The following LMBRD1 variants were observed in gnomAD, a reference collection of about 807,000 sequenced individuals.
LMBRD1 encodes the protein lysosomal cobalamin transport escort protein LMBD1.
A neutral mutation model predicts 74.8 loss-of-function variants in LMBRD1; 64 were observed. The ratio of observed to expected loss-of-function variants is 0.86; its 90% CI spans 0.70 to 1.05. LMBRD1 has a LOEUF of 1.05. LMBRD1 is among the 50% of genes least tolerant of loss of function. The probability of loss-of-function intolerance (pLI) is 0.00; values close to 1 mark genes in which losing one functional copy is unlikely to be tolerated. For synonymous variants in LMBRD1, 204 were observed against 216.3 expected (o/e 0.94, Z 0.50); for missense variants, 652 against 645.9 (o/e 1.01, Z -0.10).
At chr6:69,717,181 C>G (rs1766510211) in intron 8 of LMBRD1, among the ~76,000 whole-genome samples, 1 of 152,058 alleles carries the variant, frequency 6.6e-6, no homozygotes, top group African/African-American at 2.4e-5. Context: ...ATGTTTACAT[C>G]TAGGCACTGT....
At chr6:69,729,399 T>C (rs1042524856) in intron 7 of LMBRD1, among the ~76,000 whole-genome samples, 3 of 151,910 alleles carry the variant, frequency 2.0e-5, no homozygotes, top group African/African-American at 7.3e-5. Context: ...CTGCCAAACT[T>C]GGCTGAACAG....
chr6:69,713,171 T>C (rs1353440445), intron 9 of LMBRD1, among the ~76,000 whole-genome samples: 1 of 152,196 alleles, frequency 6.6e-6, no homozygotes, highest in South Asian at 2.1e-4. Context: ...CATGAATACA[T>C]ACTAAGGAAA....
chr6:69,679,371 C>T (rs1471245549), intron 14 of LMBRD1, among the ~76,000 whole-genome samples: 1 of 152,072 alleles, frequency 6.6e-6, no homozygotes, highest in African/African-American at 2.4e-5. Context: ...TTGTCATTTA[C>T]TTCGTGCTCC....
At position 69,705,712 on chromosome 6, in the gene LMBRD1, C is replaced by T. The variant is rs1582068711; in HGVS notation, c.916-3759G>A. 11 of 1,101,138 alleles carry T rather than the reference C, an allele frequency of 1.0e-5. No individual in the cohort carries two copies. In the South Asian group the frequency reaches 1.4e-4, roughly 14 times the overall value. The allele number at this position is 1,101,138 out of a possible 1,614,324, so 68.2% of individuals were successfully genotyped here. A position where few individuals can be genotyped will look rare whatever the true frequency, so the allele number is the denominator to read the frequency against. On this transcript the variant is annotated intron_variant, in intron 9 of 15. Coordinates refer to ENST00000649934, the MANE Select transcript of LMBRD1 (RefSeq NM_018368.4). ...GCAAGTTTTACTTTTTTCTGTGGAA[C>T]CTTGCTACCACCTCCAGGGACAGAC... is the stretch of plus-strand genomic sequence containing the variant.
intron 2 of LMBRD1, among the ~76,000 whole-genome samples, chr6:69,789,716 A>G (rs1370308701): frequency 1.3e-5 from 2 of 152,214 alleles, no homozygotes; most frequent in African/African-American, 2.4e-5. Context: ...TTCCTGAGTC[A>G]CAGAAGCTTA....
chr6:69,747,628 T>C (rs1050474693), intron 5 of LMBRD1, among the ~76,000 whole-genome samples: 11 of 152,314 alleles, frequency 7.2e-5, no homozygotes, highest in Middle Eastern at 3.4e-3. Context: ...CTGGTATGTA[T>C]CTCCTATCAG....
intron 7 of LMBRD1, among the ~76,000 whole-genome samples, chr6:69,726,067 G>T (rs570678987): frequency 6.6e-6 from 1 of 152,212 alleles, no homozygotes; most frequent in East Asian, 1.9e-4. Flanking sequence ...ATTAAAAAGT[G>T]GGCCAAAGAT....
At chr6:69,772,682 T>A (rs1029016368) in intron 3 of LMBRD1, among the ~76,000 whole-genome samples, 4 of 152,174 alleles carry the variant, frequency 2.6e-5, no homozygotes, top group African/African-American at 9.7e-5. Context: ...CAGAACTGTA[T>A]CTTATCAAAC....
At chr6:69,751,787 T>G (rs1222842523) in intron 4 of LMBRD1, among the ~76,000 whole-genome samples, 1 of 152,232 alleles carries the variant, frequency 6.6e-6, no homozygotes, top group African/African-American at 2.4e-5. Context: ...CTGGATACTT[T>G]TAACACTATA....
chr6:69,792,905 T>G (rs534535176), intron 1 of LMBRD1, among the ~76,000 whole-genome samples: 2 of 152,310 alleles, frequency 1.3e-5, no homozygotes, highest in South Asian at 4.1e-4. Context: ...AGCCAGAGAT[T>G]CCCAAACTTT....
intron 9 of LMBRD1, among the ~76,000 whole-genome samples, chr6:69,706,345 T>C (rs1766259268): frequency 6.6e-6 from 1 of 152,216 alleles, no homozygotes; most frequent in South Asian, 2.1e-4. Context: ...ATTTCCCCTT[T>C]CTTTTCACTC....
At chr6:69,713,431 T>G (rs1766424750) in intron 9 of LMBRD1, among the ~76,000 whole-genome samples, 1 of 152,144 alleles carries the variant, frequency 6.6e-6, no homozygotes, top group African/African-American at 2.4e-5. Flanking sequence ...ATTTTTATTT[T>G]AATTTCCCAA....
chr6:69,677,668 G>T (rs1345615116), intron 14 of LMBRD1, among the ~76,000 whole-genome samples: 1 of 152,040 alleles, frequency 6.6e-6, no homozygotes, highest in African/African-American at 2.4e-5. Flanking sequence ...TCTCACGGCA[G>T]CTCAAGCTTG....
At chr6:69,776,652 C>A (rs1170075584) in intron 3 of LMBRD1, among the ~76,000 whole-genome samples, 1 of 152,312 alleles carries the variant, frequency 6.6e-6, no homozygotes, top group East Asian at 1.9e-4. Context: ...CAATGCTTAG[C>A]CGCCTTATCC....
rs531696673 is a variant in LMBRD1 at position 69,785,437 on chromosome 6, T to C, written c.246+4859A>G. Among the ~76,000 whole-genome samples the C allele has an allele frequency of 8.5e-5, 13 of 152,324 alleles. No homozygotes were observed. In the East Asian group the frequency reaches 1.7e-3, roughly 20 times the overall value. On this transcript the variant is annotated intron_variant, in intron 2 of 15. Transcript: ENST00000649934. The stretch of plus-strand genomic sequence containing the variant: ...TACTTAACACCTCCACCTGGATAGA[T>C]AGTACAGTACACACTTTAAAGGTAG...
chr6:69,681,536 A>G (rs1765662202), intron 14 of LMBRD1, among the ~76,000 whole-genome samples: 1 of 152,024 alleles, frequency 6.6e-6, no homozygotes, highest in South Asian at 2.1e-4. Flanking sequence ...GCCACAACTG[A>G]GTCATCATGT....
In LMBRD1 at chr6:69,790,371, T is replaced by A. The variant is rs757258526; in HGVS notation, c.171A>T (p.Ala57=). 6.2e-7 allele frequency: 1 copy of A among 1,613,746 alleles called. No homozygotes were observed. Among genetic ancestry groups the A allele is most frequent in the Non-Finnish European group, 8.5e-7 (1 of 1,179,682 alleles). ...TITAIFSLAI[A]LITSALLPVD... ...CTGGTAGAAGTGCTGATGTGATAAG[T>A]GCAATTGCTAGAGAAAAAATTGCTG... Residue 57 remains alanine (A), a synonymous_variant, in exon 2 of 16, where the codon GCA becomes GCT. Transcript: ENST00000649934.
intron 12 of LMBRD1, among the ~76,000 whole-genome samples, chr6:69,699,865 T>C (rs1171659067): frequency 6.6e-6 from 1 of 151,900 alleles, no homozygotes; most frequent in African/African-American, 2.4e-5. Flanking sequence ...AATAAGATCA[T>C]TCATAAATTT....
At chr6:69,724,958 A>T (rs1413104084) in intron 7 of LMBRD1, among the ~76,000 whole-genome samples, 1 of 152,126 alleles carries the variant, frequency 6.6e-6, no homozygotes, top group Non-Finnish European at 1.5e-5. Flanking sequence ...TTATATTTGG[A>T]AAAACTTAAA....
Sources: allele counts gnomAD v4.1 joint callset (sites outside exome capture counted in the v4.1 genomes callset), GRCh38; gene constraint gnomAD v4.1.1; transcripts MANE v1.5; gene names NCBI Gene and HGNC (gene_info 2026-07-23, HGNC 2026-07-21).